OCA2: variants seen among roughly 807,000 people sequenced by gnomAD.
The protein encoded by OCA2 is P protein.
OCA2 carries 77 observed loss-of-function variants against 100.2 expected under a neutral mutation model. The observed-to-expected ratio is 0.77, with a 90% CI of 0.64 to 0.93. The LOEUF is 0.93. OCA2 is among the 40% of genes least tolerant of loss of function. OCA2 has a pLI of 0.00. For synonymous variants in OCA2, 432 were observed against 439.2 expected, an observed-to-expected ratio of 0.98 and a Z score of 0.21; for missense variants, 1,062 against 1,089.1, an observed-to-expected ratio of 0.98 and a Z score of 0.35.
the OCA2 span, among the ~76,000 whole-genome samples, chr15:27,732,861 T>G: frequency 6.6e-6 from 1 of 152,236 alleles, no homozygotes; most frequent in Non-Finnish European, 1.5e-5. Context: ...AAGGAAATAT[T>G]TATTGCTTTG....
At chr15:28,026,072 C>A (rs964082325) in intron 4 of OCA2, among the ~76,000 whole-genome samples, 4 of 152,170 alleles carry the variant, frequency 2.6e-5, no homozygotes, top group Non-Finnish European at 5.9e-5. Flanking sequence ...ATACAAATTT[C>A]TTTCTACGTA....
intron 14 of OCA2, among the ~76,000 whole-genome samples, chr15:27,978,488 A>C (rs910039183): frequency 3.9e-5 from 6 of 152,086 alleles, no homozygotes; most frequent in Admixed American, 2.0e-4. Context: ...TATAAATGTA[A>C]TTTTTATGTT....
Position 27,914,129 on chromosome 15 carries a change from C to T in OCA2, c.2079+11998G>A, listed in dbSNP as rs1229897294. On this transcript the variant is annotated intron_variant, in intron 19 of 23. Coordinates refer to ENST00000354638, the MANE Select transcript of OCA2 (RefSeq NM_000275.3). The stretch of plus-strand genomic sequence containing the variant: ...TTCACCACATAAACATAATTAAAAA[C>T]AAAAACCACATGATCATCGCCATAG... Among the ~76,000 whole-genome samples the T allele has an allele frequency of 2.6e-5, 4 of 151,948 alleles. No homozygotes were observed. The East Asian group carries it at 5.8e-4, about 22-fold the overall frequency.
chr15:28,030,910 C>T (rs903649800), intron 3 of OCA2, among the ~76,000 whole-genome samples: 2 of 152,204 alleles, frequency 1.3e-5, no homozygotes, highest in Non-Finnish European at 2.9e-5. Flanking sequence ...TGCCTTTTTC[C>T]TTACCTACAT....
rs745989748 is a variant in OCA2 at position 27,814,931 on chromosome 15, GATAGAT to G, written c.2432+30022_2432+30027del. On this transcript the variant is annotated intron_variant, in intron 23 of 23. Transcript: ENST00000354638. ...AGATAGATAGATAGATAGATAGATA[GATAGAT>G]AGATAGATACAGAGATATATATATA... Among the ~76,000 whole-genome samples, 10 of 149,692 alleles carry G rather than the reference GATAGAT, an allele frequency of 6.7e-5. No homozygotes were observed. In the East Asian group the frequency reaches 1.2e-3, roughly 18 times the overall value.
At chr15:27,981,458 C>G (rs2041158179) in intron 14 of OCA2, among the ~76,000 whole-genome samples, 2 of 152,084 alleles carry the variant, frequency 1.3e-5, no homozygotes, top group Non-Finnish European at 2.9e-5. Context: ...GACGTTTGTT[C>G]TAGGATGCAG....
intron 19 of OCA2, among the ~76,000 whole-genome samples, chr15:27,879,123 T>C (rs2036908098): frequency 6.6e-6 from 1 of 152,234 alleles, no homozygotes; most frequent in South Asian, 2.1e-4. Context: ...TTTCTGTTCC[T>C]GTGCTAACTT....
chr15:27,846,130 C>A (rs1285217010), intron 22 of OCA2, among the ~76,000 whole-genome samples: 3 of 152,056 alleles, frequency 2.0e-5, no homozygotes, highest in South Asian at 4.2e-4. Context: ...AGGCCTGGAG[C>A]AGCTGCGATA....
At chr15:27,948,937 G>A (rs2039938423) in intron 18 of OCA2, among the ~76,000 whole-genome samples, 2 of 152,204 alleles carry the variant, frequency 1.3e-5, no homozygotes, top group Non-Finnish European at 2.9e-5. Flanking sequence ...CAGGACCGGG[G>A]GAGGGTGGCT....
At chr15:27,855,756 C>T (rs1206784386) in intron 21 of OCA2, among the ~76,000 whole-genome samples, 3 of 152,216 alleles carry the variant, frequency 2.0e-5, no homozygotes, top group African/African-American at 7.2e-5. Flanking sequence ...ACAAAAATCC[C>T]TGCCCTCATA....
chr15:28,018,539 T>C lies in OCA2; in HGVS notation c.665A>G (p.His222Arg). ...LENYSVNLSS[H>R]VDSTLLQVDL... Reference sequence around the variant, plus strand: ...CACCTGCAGCAGCGTGGAGTCCACGTGGCTGCTAAGGTTCACGGCTCGGAG... The same window carrying C: ...CACCTGCAGCAGCGTGGAGTCCACGCGGCTGCTAAGGTTCACGGCTCGGAG... The change falls in exon 7 of 24, where the codon CAC (histidine) becomes CGC (arginine). Residue 222 changes from histidine to arginine, a missense_variant. By Grantham distance (29) the His-to-Arg change is conservative. Coordinates refer to ENST00000354638, the MANE Select transcript of OCA2 (RefSeq NM_000275.3). The C allele has an allele frequency of 6.2e-7, 1 of 1,613,562 alleles. No individual in the cohort carries two copies. Among genetic ancestry groups the C allele is most frequent in the South Asian group, 1.1e-5 (1 of 91,038 alleles).
the OCA2 span, among the ~76,000 whole-genome samples, chr15:27,734,249 G>T: frequency 1.1e-5 from 1 of 93,818 alleles, no homozygotes; most frequent in Non-Finnish European, 2.0e-5. Context: ...ACATCAATTT[G>T]AACAACTATC....
In OCA2 at chr15:28,064,510, T is replaced by G. The variant is rs545832453; in HGVS notation, c.227+17138A>C. On this transcript the variant is annotated intron_variant, in intron 2 of 23. Coordinates refer to ENST00000354638, the MANE Select transcript of OCA2 (RefSeq NM_000275.3). ...TTAAACAGTTTCAATTGTCCTATCT[T>G]CAAGCCTGCTGATTCTTTCCTCTGC... Among the ~76,000 whole-genome samples the G allele has an allele frequency of 2.6e-5, 4 of 152,256 alleles. No homozygotes were observed. In the South Asian group the frequency reaches 8.3e-4, roughly 32 times the overall value.
At chr15:28,084,950 C>T (rs918628131) in intron 1 of OCA2, among the ~76,000 whole-genome samples, 1 of 152,194 alleles carries the variant, frequency 6.6e-6, no homozygotes, top group African/African-American at 2.4e-5. Context: ...CACCACTTTG[C>T]TGTATTCTGT....
At chr15:27,852,094 C>G (rs776314041) in intron 21 of OCA2, among the ~76,000 whole-genome samples, 1 of 152,224 alleles carries the variant, frequency 6.6e-6, no homozygotes, top group Non-Finnish European at 1.5e-5. Flanking sequence ...GCACCATTCT[C>G]TAGTCAGCCG....
chr15:27,927,729 G>A (rs906949169), intron 18 of OCA2, among the ~76,000 whole-genome samples: 4 of 151,360 alleles, frequency 2.6e-5, no homozygotes, highest in African/African-American at 9.7e-5. Flanking sequence ...TTGTGTAGTG[G>A]GATCTTACTG....
chr15:27,896,499 A>C, intron 19 of OCA2: 10 of 539,302 alleles, frequency 1.9e-5, no homozygotes, highest in Non-Finnish European at 2.7e-5. Context: ...CTGTCCCAAA[A>C]TGTCCCTTGC....
chr15:27,953,559 C>A (rs1341356933), intron 17 of OCA2, among the ~76,000 whole-genome samples: 3 of 152,158 alleles, frequency 2.0e-5, no homozygotes, highest in Non-Finnish European at 4.4e-5. Flanking sequence ...GCACTGCAAA[C>A]CTTCCCTGAG....
the OCA2 span, among the ~76,000 whole-genome samples, chr15:27,732,526 G>C: frequency 6.6e-6 from 1 of 152,292 alleles, no homozygotes; most frequent in East Asian, 1.9e-4. Context: ...TAAGAAGAGA[G>C]ACTAGAGTCC....
Sources: allele counts gnomAD v4.1 joint callset (sites outside exome capture counted in the v4.1 genomes callset), GRCh38; gene constraint gnomAD v4.1.1; transcripts MANE v1.5; gene names NCBI Gene and HGNC (gene_info 2026-07-23, HGNC 2026-07-21).